Variants in HK1 observed in about 807,000 individuals in gnomAD.
HK1 encodes the protein hexokinase-1.
In HK1, 28 loss-of-function variants were observed where a neutral mutation model predicts 91.6. That is an observed-to-expected ratio of 0.31 (90% CI 0.23 to 0.42). The LOEUF is 0.42. HK1 is among the 10% of genes least tolerant of loss of function. The pLI, the probability that HK1 is intolerant of heterozygous loss-of-function variation, is 1.00. For synonymous variants in HK1, 430 were observed against 468.1 expected, an observed-to-expected ratio of 0.92 and a Z score of 1.05; for missense variants, 770 against 1,219.8, an observed-to-expected ratio of 0.63 and a Z score of 5.49.
intron 1 of HK1, among the ~76,000 whole-genome samples, chr10:69,276,702 G>A (rs1225593845): frequency 6.7e-6 from 1 of 150,356 alleles, no homozygotes; most frequent in Non-Finnish European, 1.5e-5. Flanking sequence ...AATTTTAAAT[G>A]ATTAAAATTA....
chr10:69,370,698 A>T lies in HK1; in HGVS notation c.875+1074A>T, dbSNP rs145435088. On this transcript the variant is annotated intron_variant, in intron 7 of 17. Transcript: ENST00000359426. ...GCAGAGGAGTTGGGGTAAGAAGAGT[A>T]TAAGTCATGTAGACGTTAGGGAGAA... Among the ~76,000 whole-genome samples the T allele has an allele frequency of 1.5e-3, 229 of 152,316 alleles. 1 individual carries two copies. Among genetic ancestry groups the T allele is most frequent in the African/African-American group, 5.3e-3 (222 of 41,586 alleles).
Position 69,338,689 on chromosome 10 carries a change from GTGTGTGTGTGTGTGTGTGTGTAAGTACT to G in HK1, c.64-5128_64-5101del, listed in dbSNP as rs765869754. 3.3e-6 allele frequency: 3 copies of G among 916,934 alleles called. No homozygotes were observed. The South Asian group carries it at 7.3e-5, about 22-fold the overall frequency. The allele number at this position is 916,934 out of a possible 1,614,324, so 56.8% of individuals were successfully genotyped here. A position where few individuals can be genotyped will look rare whatever the true frequency, so the allele number is the denominator to read the frequency against. On this transcript the variant is annotated intron_variant, in intron 1 of 17. Transcript: ENST00000359426. ...GGATTATGGAGATGTGAGTGTGTGT[GTGTGTGTGTGTGTGTGTGTGTAAGTACT>G]TGTGTGTGTATGTGTGAGTGTGTGA...
intron 8 of HK1, among the ~76,000 whole-genome samples, chr10:69,377,920 C>A (rs1839198315): frequency 6.6e-6 from 1 of 152,234 alleles, no homozygotes; most frequent in African/African-American, 2.4e-5. Flanking sequence ...CAGCCAGCAA[C>A]TAACTGTAGC....
At chr10:69,311,843 G>T, upstream of HK1, among the ~76,000 whole-genome samples, 1 of 152,122 alleles carries the variant, frequency 6.6e-6, no homozygotes, top group East Asian at 1.9e-4. Flanking sequence ...CATCATATTG[G>T]CCAGGCTGGT....
chr10:69,394,737 G>A (rs1196788588), intron 15 of HK1, among the ~76,000 whole-genome samples: 2 of 152,168 alleles, frequency 1.3e-5, no homozygotes, highest in African/African-American at 4.8e-5. Flanking sequence ...CATGAATGCT[G>A]GTGGTTTTGT....
At chr10:69,311,443 G>A (rs187595003), upstream of HK1, among the ~76,000 whole-genome samples, 55 of 152,326 alleles carry the variant, frequency 3.6e-4, no homozygotes, top group African/African-American at 1.2e-3. Flanking sequence ...AGGTCGTTGT[G>A]TGTGGGTGCT....
At position 69,364,860 on chromosome 10, in the gene HK1, A is replaced by G; in HGVS notation, c.453A>G (p.Gly151=). The G allele has an allele frequency of 6.2e-7, 1 of 1,614,148 alleles. No homozygotes were observed. Among genetic ancestry groups the G allele is most frequent in the Non-Finnish European group, 8.5e-7 (1 of 1,179,994 alleles). The change falls in exon 4 of 18, where the codon GGA becomes GGG. Residue 151 remains glycine (G), a synonymous_variant. Coordinates refer to ENST00000359426, the MANE Select transcript of HK1 (RefSeq NM_000188.3). ...TCAAGGACAAGAAGTTACCTGTGGG[A>G]TTCACGTTTTCTTTTCCTTGCCAAC... ...RKIKDKKLPV[G]FTFSFPCQQS...
chr10:69,392,033 C>A, intron 14 of HK1, 92 bp from the exon 15 acceptor site: 2 of 1,266,324 alleles, frequency 1.6e-6, no homozygotes, highest in Non-Finnish European at 2.3e-6. Context: ...GTGCCCCCTG[C>A]CTGTGGAACC....
At chr10:69,382,879 C>T in intron 10 of HK1, 88 bp downstream of exon 10, 1 of 1,278,056 alleles carries the variant, frequency 7.8e-7, no homozygotes, top group Non-Finnish European at 1.1e-6. Context: ...CCAGTGGATG[C>T]CTTCACACTG....
chr10:69,277,130 A>G (rs1844514139), intron 1 of HK1, among the ~76,000 whole-genome samples: 1 of 152,194 alleles, frequency 6.6e-6, no homozygotes, highest in South Asian at 2.1e-4. Context: ...GCTGGATATA[A>G]AATTCTAGAT....
At chr10:69,298,470 T>C (rs1048985501) in intron 4 of HK1, among the ~76,000 whole-genome samples, 15 of 151,252 alleles carry the variant, frequency 9.9e-5, no homozygotes, top group Non-Finnish European at 7.4e-5. Context: ...TAAAAAAAAT[T>C]GTAAAAATTA....
chr10:69,376,185 C>A (rs1839094762), intron 7 of HK1, among the ~76,000 whole-genome samples: 2 of 152,168 alleles, frequency 1.3e-5, no homozygotes, highest in Admixed American at 1.3e-4. Flanking sequence ...GAGAATACTT[C>A]CTGGCCACCT....
chr10:69,324,380 C>T (rs567196185), intron 1 of HK1, among the ~76,000 whole-genome samples: 1 of 152,032 alleles, frequency 6.6e-6, no homozygotes, highest in African/African-American at 2.4e-5. Context: ...CATTTGAGGT[C>T]AGGAGGTCGA....
At chr10:69,319,071 C>G in intron 1 of HK1, 61 bp downstream of exon 1, 2 of 1,539,158 alleles carry the variant, frequency 1.3e-6, no homozygotes. Context: ...GGCATCCGCT[C>G]GCCGCCTCCG....
intron 7 of HK1, among the ~76,000 whole-genome samples, chr10:69,371,373 T>A (rs139156258): frequency 7.3e-6 from 1 of 136,594 alleles, no homozygotes; most frequent in African/African-American, 2.7e-5. Flanking sequence ...AACTTATTAC[T>A]GTGCCTATTT....
chr10:69,384,225 T>C, intron 10 of HK1, 108 bp from the exon 11 acceptor site: 1 of 1,326,052 alleles, frequency 7.5e-7, no homozygotes, highest in Non-Finnish European at 1.1e-6. Context: ...GCTTCTCCTC[T>C]ATGTTTGCTA....
chr10:69,301,573 CAAAA>C (rs3086649), intron 5 of HK1, among the ~76,000 whole-genome samples: 56 of 80,766 alleles, frequency 6.9e-4, no homozygotes, highest in East Asian at 2.0e-3. Flanking sequence ...GACTCTGTCT[CAAAA>C]AAAAAAAAAA....
Position 69,318,890 on chromosome 10 carries a change from A to G in HK1, c.-58A>G. 1 of 1,531,000 alleles carries G rather than the reference A, an allele frequency of 6.5e-7. No individual in the cohort carries two copies. The highest frequency in any genetic ancestry group is 1.2e-5 in the South Asian group (1 of 82,550). The allele number at this position is 1,531,000 out of a possible 1,614,324, so 94.8% of individuals were successfully genotyped here. ...AGCCGCCGGAGGACCACGGCTCGCC[A>G]GGGCTGCGGAGGACCGACCGTCCCC... is the stretch of plus-strand genomic sequence containing the variant. On this transcript the variant is annotated 5_prime_UTR_variant, in exon 1 of 18. Coordinates refer to ENST00000359426, the MANE Select transcript of HK1 (RefSeq NM_000188.3).
At chr10:69,353,918 G>A (rs1232148663) in intron 2 of HK1, among the ~76,000 whole-genome samples, 1 of 152,226 alleles carries the variant, frequency 6.6e-6, no homozygotes, top group Non-Finnish European at 1.5e-5. Flanking sequence ...CCGATTTATA[G>A]TGATCAGCCA....
Sources: gnomAD v4.1 joint callset for allele counts (sites outside exome capture counted in the v4.1 genomes callset) on GRCh38, gnomAD v4.1.1 for gene constraint, MANE v1.5 for transcripts, NCBI Gene and HGNC (gene_info 2026-07-23, HGNC 2026-07-21) for gene names.